Variants in ECT2L observed in about 807,000 individuals in gnomAD.
ECT2L encodes epithelial cell-transforming sequence 2 oncogene-like.
A neutral mutation model predicts 122.8 loss-of-function variants in ECT2L; 126 were observed. That is an observed-to-expected ratio of 1.03 (90% CI 0.89 to 1.19). The LOEUF is 1.19. Ranked by LOEUF, ECT2L falls within the 50% of genes most tolerant of loss-of-function variation. ECT2L has a pLI of 0.00. For missense variants in ECT2L, 1,012 were observed against 1,064.1 expected (o/e 0.95, Z 0.68); for synonymous variants, 385 against 381.8 (o/e 1.01, Z -0.10).
Position 138,868,016 on chromosome 6 carries a change from A to AAAAAAG in ECT2L, c.1475-84_1475-83insAAGAAA, listed in dbSNP as rs1562483282. Reference sequence around the variant, plus strand: ...TTCTGTCTCAAAAAAAAAAAAAAAAAAAAGAAACTGTGAGGACTGAGTTGT... The same window carrying AAAAAAG: ...TTCTGTCTCAAAAAAAAAAAAAAAAAAAAAAGAAAGAAACTGTGAGGACTGAGTTGT... On this transcript the variant is annotated intron_variant, in intron 12 of 21. Coordinates refer to ENST00000541398, the MANE Select transcript of ECT2L (RefSeq NM_001077706.3). The AAAAAAG allele has an allele frequency of 1.6e-5, 11 of 701,842 alleles. 1 individual carries two copies. The highest frequency in any genetic ancestry group is 2.7e-4 in the Middle Eastern group (1 of 3,638). 43.5% of individuals were successfully genotyped at this position (701,842 alleles called of 1,614,324 possible).
At chr6:138,900,807 T>C (rs936363050) in intron 20 of ECT2L, 141 bp from the exon 21 acceptor site, 1 of 898,370 alleles carries the variant, frequency 1.1e-6, no homozygotes. Context: ...AATATTATAC[T>C]GAGAACTTCA....
intron 1 of ECT2L, among the ~76,000 whole-genome samples, chr6:138,808,593 G>A (rs1216178325): frequency 2.6e-5 from 4 of 152,042 alleles, no homozygotes; most frequent in Admixed American, 1.3e-4. Flanking sequence ...ATTTCTGTAC[G>A]TAAGCCTAGT....
In ECT2L at chr6:138,903,807, T is replaced by A. The variant is rs538347229; in HGVS notation, c.*1180T>A. Reference sequence around the variant, plus strand: ...CAGCTGATGTATATTTTTACCTAGATATTGTCAGGTAAAAATTGTATTAAT... The same window carrying A: ...CAGCTGATGTATATTTTTACCTAGAAATTGTCAGGTAAAAATTGTATTAAT... On this transcript the variant is annotated 3_prime_UTR_variant, in exon 22 of 22. Transcript: ENST00000541398. The A allele has an allele frequency of 6.6e-6, 1 of 152,334 alleles. No homozygotes were observed. Among genetic ancestry groups the A allele is most frequent in the Non-Finnish European group, 1.5e-5 (1 of 68,024 alleles). The allele number at this position is 152,334 out of a possible 1,614,324, so 9.4% of individuals were successfully genotyped here.
At chr6:138,868,336 T>C (rs962256069) in intron 13 of ECT2L, 130 bp downstream of exon 13, 1 of 683,150 alleles carries the variant, frequency 1.5e-6, no homozygotes, top group Non-Finnish European at 2.3e-6. Flanking sequence ...ATTACATCAG[T>C]TTATAAAAAT....
At chr6:138,888,307 TTTTTC>T (rs1040684207) in intron 19 of ECT2L, among the ~76,000 whole-genome samples, 14 of 138,740 alleles carry the variant, frequency 1.0e-4, no homozygotes, top group East Asian at 2.2e-4. Flanking sequence ...CATTCACTTC[TTTTTC>T]TTTTCTTTTT....
intron 1 of ECT2L, among the ~76,000 whole-genome samples, chr6:138,799,410 C>A (rs750212047): frequency 6.6e-6 from 1 of 152,098 alleles, no homozygotes; most frequent in African/African-American, 2.4e-5. Flanking sequence ...CCCGCCACCA[C>A]GCCCGGCTTA....
At chr6:138,811,822 G>A (rs1275601483) in intron 1 of ECT2L, among the ~76,000 whole-genome samples, 1 of 152,116 alleles carries the variant, frequency 6.6e-6, no homozygotes, top group African/African-American at 2.4e-5. Context: ...GGGATTAGCT[G>A]GGATTACAGG....
At chr6:138,894,940 T>C (rs902010974) in intron 20 of ECT2L, among the ~76,000 whole-genome samples, 1 of 152,096 alleles carries the variant, frequency 6.6e-6, no homozygotes, top group African/African-American at 2.4e-5. Flanking sequence ...TATTTGCTAA[T>C]AAATTTAAAT....
At chr6:138,850,346 T>C (rs900617501) in intron 9 of ECT2L, among the ~76,000 whole-genome samples, 1 of 152,118 alleles carries the variant, frequency 6.6e-6, no homozygotes, top group Admixed American at 6.5e-5. Context: ...GGTTCCACTA[T>C]GTTGGCCAGG....
rs140011068 is a variant in ECT2L at position 138,797,543 on chromosome 6, A to G, written c.-244+1351A>G. Among the ~76,000 whole-genome samples, 361 of 151,880 alleles carry G rather than the reference A, an allele frequency of 2.4e-3. 2 individuals are homozygous for G. Among genetic ancestry groups the G allele is most frequent in the Non-Finnish European group, 3.6e-3 (245 of 67,964 alleles). On this transcript the variant is annotated intron_variant, in intron 1 of 21. Transcript: ENST00000541398. ...TGTGGAAACACAGTTAATTGACATC[A>G]TTGCTCTTCTGTGTGATCCCAGTGA... is the stretch of plus-strand genomic sequence containing the variant.
At chr6:138,827,494 T>C (rs1389268808) in intron 4 of ECT2L, among the ~76,000 whole-genome samples, 2 of 152,162 alleles carry the variant, frequency 1.3e-5, no homozygotes, top group African/African-American at 4.8e-5. Context: ...GATCAGCTCA[T>C]GGTTCACATT....
intron 14 of ECT2L, 83 bp from the exon 15 acceptor site, chr6:138,880,874 A>T (rs1470971394): frequency 1.6e-6 from 2 of 1,214,420 alleles, no homozygotes; most frequent in Non-Finnish European, 2.4e-6. Context: ...CAAACCAGCA[A>T]GGGGGGTCTC....
intron 10 of ECT2L, among the ~76,000 whole-genome samples, chr6:138,859,810 CTTT>C (rs36087999): frequency 0.016 from 2,288 of 145,948 alleles, 48 homozygotes; most frequent in African/African-American, 0.054. Flanking sequence ...AAGCACAGTT[CTTT>C]TTTTTTTTCT....
At position 138,882,854 on chromosome 6, in the gene ECT2L, C is replaced by G. The variant is rs1778689269; in HGVS notation, c.2011C>G (p.Leu671Val). 6.2e-7 allele frequency: 1 copy of G among 1,614,062 alleles called. No individual in the cohort carries two copies. The highest frequency in any genetic ancestry group is 8.5e-7 in the Non-Finnish European group (1 of 1,179,990). ...TTTCTTCAACAATTACCCTGTCATT[C>G]TGAAAACTATTGAGAAGGTAAATGA... ...TNFFNNYPVI[L>V]KTIEKCREMI... Residue 671 changes from leucine (L) to valine (V), a missense_variant, in exon 16 of 22, where the codon CTG becomes GTG. Leu to Val is a conservative substitution (Grantham distance 32, BLOSUM62 1). Transcript: ENST00000541398.
intron 13 of ECT2L, among the ~76,000 whole-genome samples, chr6:138,874,596 G>C (rs1338035837): frequency 6.6e-6 from 1 of 152,086 alleles, no homozygotes; most frequent in African/African-American, 2.4e-5. Flanking sequence ...GTGGTCTGGG[G>C]GGGTCCATGA....
Position 138,849,403 on chromosome 6 carries a change from T to C in ECT2L, c.1038T>C (p.Asp346=), listed in dbSNP as rs757327541. 19 of 1,613,814 alleles carry C rather than the reference T, an allele frequency of 1.2e-5. No individual in the cohort carries two copies. The highest frequency in any genetic ancestry group is 1.6e-5 in the Non-Finnish European group (19 of 1,179,922). ...QKAQSIGIFS[D]GDSREINLLQ... is the part of the protein sequence containing the mutation. ...CACAGAGCATCGGAATATTTAGCGATGGAGACAGCAGAGAAATCAATTTAC... is the reference window on the plus strand; with the variant it reads ...CACAGAGCATCGGAATATTTAGCGACGGAGACAGCAGAGAAATCAATTTAC... Residue 346 remains aspartate, a synonymous_variant, in exon 9 of 22, where the codon GAT becomes GAC. Transcript: ENST00000541398.
At chr6:138,838,602 A>G in intron 5 of ECT2L, 88 bp downstream of exon 5, 1 of 1,336,888 alleles carries the variant, frequency 7.5e-7, no homozygotes, top group Non-Finnish European at 9.9e-7. Flanking sequence ...GTCCCTGAAG[A>G]CAATAGCTGA....
chr6:138,874,367 G>C (rs1042707977), intron 13 of ECT2L, among the ~76,000 whole-genome samples: 2 of 152,092 alleles, frequency 1.3e-5, no homozygotes, highest in Non-Finnish European at 2.9e-5. Flanking sequence ...CTAAGTAAAA[G>C]ATAGCATCGG....
chr6:138,808,724 CTTT>C (rs1562450671), intron 1 of ECT2L, among the ~76,000 whole-genome samples: 4 of 86,902 alleles, frequency 4.6e-5, no homozygotes, highest in Non-Finnish European at 1.1e-4. Flanking sequence ...TTTCCTTTCT[CTTT>C]TCTTTTTTTT....
Sources: allele counts gnomAD v4.1 joint callset (sites outside exome capture counted in the v4.1 genomes callset), GRCh38; gene constraint gnomAD v4.1.1; transcripts MANE v1.5; gene names NCBI Gene and HGNC (gene_info 2026-07-23, HGNC 2026-07-21).